CFAP91: variants seen among roughly 807,000 people sequenced by gnomAD.
CFAP91 encodes cilia- and flagella-associated protein 91.
In CFAP91, 85 loss-of-function variants were observed where a neutral mutation model predicts 95.9. The ratio of observed to expected loss-of-function variants is 0.89; its 90% CI spans 0.74 to 1.06. CFAP91 has a LOEUF of 1.06. Ranked by LOEUF, CFAP91 falls within the 50% of genes least tolerant of loss-of-function variation. CFAP91 has a pLI of 0.00. For missense variants in CFAP91, 962 were observed against 943.4 expected (o/e 1.02, Z -0.26); for synonymous variants, 335 against 327.5 (o/e 1.02, Z -0.25).
chr3:119,743,511 A>T (rs2054161755), intron 13 of CFAP91, among the ~76,000 whole-genome samples: 1 of 152,230 alleles, frequency 6.6e-6, no homozygotes, highest in Non-Finnish European at 1.5e-5. Context: ...GTTATTCAAG[A>T]TCTTAACTCC....
chr3:119,747,140 T>G lies in CFAP91; in HGVS notation c.1928T>G (p.Ile643Arg). ...KEVVKVHHST[I>R]SSYLEDIILN... is the part of the protein sequence containing the mutation. ...GTGGTTAAAGTTCACCATAGTACTA[T>G]AAGCTCCTACCTAGAAGACATAATA... is the stretch of plus-strand genomic sequence containing the variant. The change falls in exon 15 of 18, where the codon ATA becomes AGA. Residue 643 changes from isoleucine (I) to arginine (R), a missense_variant. Coordinates refer to ENST00000273390, the MANE Select transcript of CFAP91 (RefSeq NM_033364.4). The G allele has an allele frequency of 6.2e-7, 1 of 1,610,302 alleles. No homozygotes were observed. Among genetic ancestry groups the G allele is most frequent in the Non-Finnish European group, 8.5e-7 (1 of 1,178,420 alleles).
chr3:119,739,283 T>A lies in CFAP91; in HGVS notation c.1490T>A (p.Ile497Asn), dbSNP rs1341865625. 1 of 1,614,160 alleles carries A rather than the reference T, an allele frequency of 6.2e-7. No homozygotes were observed. Among genetic ancestry groups the A allele is most frequent in the Non-Finnish European group, 8.5e-7 (1 of 1,179,998 alleles). The change falls in exon 12 of 18, where the codon ATC becomes AAC. Residue 497 changes from isoleucine (I) to asparagine (N), a missense_variant. By Grantham distance (149) the Ile-to-Asn change is moderately radical (BLOSUM62 -3). Coordinates refer to ENST00000273390, the MANE Select transcript of CFAP91 (RefSeq NM_033364.4). ...GAAGAAGAAATGGAAATGGCTGTGATCTACCTTCAAAAGTTACTCCGGGGC... is the reference window on the plus strand; with the variant it reads ...GAAGAAGAAATGGAAATGGCTGTGAACTACCTTCAAAAGTTACTCCGGGGC... ...NEEEEMEMAV[I>N]YLQKLLRGRV... is the part of the protein sequence containing the mutation.
chr3:119,739,143 CT>C, intron 11 of CFAP91, 111 bp from the exon 12 acceptor site: 1 of 808,476 alleles, frequency 1.2e-6, no homozygotes, highest in Non-Finnish European at 2.1e-6. Context: ...CTCTTTAAAT[CT>C]TTTTGGCATC....
intron 10 of CFAP91, among the ~76,000 whole-genome samples, chr3:119,737,096 A>G (rs1170008797): frequency 6.6e-6 from 1 of 152,196 alleles, no homozygotes; most frequent in Non-Finnish European, 1.5e-5. Context: ...ACGTCTTGAG[A>G]GATACACACA....
rs1230777465 is a variant in CFAP91, at chr3:119,765,057, GA to G, written c.*8del. On this transcript the variant is annotated 3_prime_UTR_variant, in exon 18 of 18. Coordinates refer to ENST00000273390, the MANE Select transcript of CFAP91 (RefSeq NM_033364.4). ...TGTTTTGCTCTTTTTTACAGATTGT[GA>G]TTTTTTTGTAAAAGAAGCTGTACGA... 1 of 152,092 alleles carries G rather than the reference GA, an allele frequency of 6.6e-6. No individual in the cohort carries two copies. Among genetic ancestry groups the G allele is most frequent in the African/African-American group, 2.4e-5 (1 of 41,406 alleles). The allele number at this position is 152,092 out of a possible 1,614,324, so 9.4% of individuals were successfully genotyped here. A position where few individuals can be genotyped will look rare whatever the true frequency, so the allele number is the denominator to read the frequency against.
At chr3:119,757,773 A>T (rs1442438796) in intron 17 of CFAP91, among the ~76,000 whole-genome samples, 2 of 152,164 alleles carry the variant, frequency 1.3e-5, no homozygotes, top group African/African-American at 4.8e-5. Flanking sequence ...CCAAGGGCAG[A>T]GGGACATTAC....
rs1304038227 is a variant in CFAP91 at position 119,726,318 on chromosome 3, A to G, written c.830A>G (p.Glu277Gly). ...RKMMNEMERKEWAFREQEIEK... is the reference protein window; with the variant it reads ...RKMMNEMERKGWAFREQEIEK... Reference sequence around the variant, plus strand: ...ATGATGAATGAAATGGAGAGGAAGGAGTGGGCCTTCAGAGAGCAGGAGATT... The same window carrying G: ...ATGATGAATGAAATGGAGAGGAAGGGGTGGGCCTTCAGAGAGCAGGAGATT... Residue 277 changes from glutamate to glycine, a missense_variant, in exon 7 of 18, where the codon GAG becomes GGG. By Grantham distance (98) the Glu-to-Gly change is moderately conservative (BLOSUM62 -2). Transcript: ENST00000273390. 3 of 1,613,342 alleles carry G rather than the reference A, an allele frequency of 1.9e-6. No homozygotes were observed. The South Asian group carries it at 3.3e-5, about 18-fold the overall frequency.
At chr3:119,714,716 T>C (rs2053543015) in intron 5 of CFAP91, among the ~76,000 whole-genome samples, 1 of 152,226 alleles carries the variant, frequency 6.6e-6, no homozygotes, top group South Asian at 2.1e-4. Context: ...AGAAAGGCTA[T>C]TTAAACTTTT....
chr3:119,736,415 G>A (rs2054007837), intron 10 of CFAP91, among the ~76,000 whole-genome samples: 2 of 151,684 alleles, frequency 1.3e-5, no homozygotes, highest in South Asian at 4.2e-4. Context: ...GGGACTACAG[G>A]CGCCCACCAC....
At chr3:119,732,977 C>G (rs528687178) in intron 9 of CFAP91, among the ~76,000 whole-genome samples, 1 of 152,304 alleles carries the variant, frequency 6.6e-6, no homozygotes, top group East Asian at 1.9e-4. Context: ...TTGCTGGTTA[C>G]ACTGCTGAAC....
At chr3:119,716,529 C>T (rs1220368363) in intron 6 of CFAP91, among the ~76,000 whole-genome samples, 1 of 152,192 alleles carries the variant, frequency 6.6e-6, no homozygotes, top group African/African-American at 2.4e-5. Flanking sequence ...CATATCTGGG[C>T]TCTAGTTTTG....
In CFAP91 at chr3:119,766,042, A is replaced by G. The variant is rs1045585992; in HGVS notation, c.*992A>G. 6.6e-6 allele frequency: 1 copy of G among 152,250 alleles called. No homozygotes were observed. Among genetic ancestry groups the G allele is most frequent in the Non-Finnish European group, 1.5e-5 (1 of 68,046 alleles). The allele number at this position is 152,250 out of a possible 1,614,324, so 9.4% of individuals were successfully genotyped here. A position where few individuals can be genotyped will look rare whatever the true frequency, so the allele number is the denominator to read the frequency against. The stretch of plus-strand genomic sequence containing the variant: ...AGAAAAGGAAGTGGGCTAAGATGGG[A>G]AAAATATAAAAAGATTTAAAATCCA... On this transcript the variant is annotated 3_prime_UTR_variant, in exon 18 of 18. Coordinates refer to ENST00000273390, the MANE Select transcript of CFAP91 (RefSeq NM_033364.4).
At chr3:119,749,702 G>C (rs1014934196) in intron 16 of CFAP91, among the ~76,000 whole-genome samples, 1 of 152,038 alleles carries the variant, frequency 6.6e-6, no homozygotes, top group East Asian at 1.9e-4. Flanking sequence ...CATATGAACA[G>C]GGAGCACACT....
intron 5 of CFAP91, among the ~76,000 whole-genome samples, chr3:119,713,926 A>AT (rs1349503224): frequency 6.6e-6 from 1 of 152,052 alleles, no homozygotes. Context: ...GCTGTTTCAT[A>AT]TTTTTTTAAA....
chr3:119,716,033 G>A, intron 6 of CFAP91: 1 of 546,656 alleles, frequency 1.8e-6, no homozygotes, highest in Non-Finnish European at 3.2e-6. Flanking sequence ...CTCTCTCCTA[G>A]TGAACCACTT....
chr3:119,752,209 G>T (rs1398787022), intron 17 of CFAP91: 3 of 152,158 alleles, frequency 2.0e-5, no homozygotes, highest in Non-Finnish European at 4.4e-5. Flanking sequence ...TGGGGCTAGG[G>T]AGAAATTTTA....
rs1203073416 is a variant in CFAP91, at chr3:119,744,202, T to C, written c.1902+6T>C. 2 of 1,604,496 alleles carry C rather than the reference T, an allele frequency of 1.2e-6. No individual in the cohort carries two copies. The highest frequency in any genetic ancestry group is 2.2e-5 in the East Asian group (1 of 44,740). On this transcript the variant is annotated splice_donor_region_variant and intron_variant, in intron 14 of 17. Transcript: ENST00000273390. The stretch of plus-strand genomic sequence containing the variant: ...AGGACGAGATATTTAAGGAGGCAAG[T>C]AGGGGCAGCTGGGTGTGTGGAAGCT...
At chr3:119,739,212 A>C in intron 11 of CFAP91, 43 bp from the exon 12 acceptor site, 1 of 1,455,396 alleles carries the variant, frequency 6.9e-7, no homozygotes, top group Non-Finnish European at 9.7e-7. Context: ...TGCTTGGACT[A>C]CTGCAGTTCT....
intron 5 of CFAP91, among the ~76,000 whole-genome samples, chr3:119,714,121 G>A (rs1023819731): frequency 1.3e-5 from 2 of 152,068 alleles, no homozygotes; most frequent in Non-Finnish European, 1.5e-5. Flanking sequence ...CCAGCACTTT[G>A]GGAGGCAGAG....
Sources: allele counts gnomAD v4.1 joint callset (sites outside exome capture counted in the v4.1 genomes callset), GRCh38; gene constraint gnomAD v4.1.1; transcripts MANE v1.5; gene names NCBI Gene and HGNC (gene_info 2026-07-23, HGNC 2026-07-21).